RABEP1: variants seen among roughly 807,000 people sequenced by gnomAD.
RABEP1 encodes the protein rabaptin, RAB GTPase binding effector protein 1, also known as rab GTPase-binding effector protein 1.
In RABEP1, 51 loss-of-function variants were observed where a neutral mutation model predicts 123.4. The ratio of observed to expected loss-of-function variants is 0.41; its 90% CI spans 0.33 to 0.52. The LOEUF is 0.52. Among genes scored for constraint, RABEP1 ranks in the 20% least tolerant of loss-of-function variants. The pLI is 0.16. For missense variants in RABEP1, 888 were observed against 996.3 expected (o/e 0.89, Z 1.46); for synonymous variants, 347 against 355.2 (o/e 0.98, Z 0.26).
At chr17:5,315,057 T>C (rs1184311641) in intron 2 of RABEP1, among the ~76,000 whole-genome samples, 1 of 152,224 alleles carries the variant, frequency 6.6e-6, no homozygotes, top group African/African-American at 2.4e-5. Context: ...ACACTGAAAT[T>C]TTCTACTGGT....
At chr17:5,295,640 A>G (rs1399717664) in intron 1 of RABEP1, among the ~76,000 whole-genome samples, 2 of 152,082 alleles carry the variant, frequency 1.3e-5, no homozygotes, top group Non-Finnish European at 2.9e-5. Context: ...TTAAGTTTTT[A>G]TATGTTCTTT....
intron 5 of RABEP1, among the ~76,000 whole-genome samples, chr17:5,341,802 G>A (rs1281407075): frequency 3.3e-5 from 5 of 152,196 alleles, no homozygotes. Context: ...CAGTGTACAC[G>A]TGAAATGATT....
intron 10 of RABEP1, among the ~76,000 whole-genome samples, chr17:5,363,478 A>C (rs1046175994): frequency 6.6e-6 from 1 of 152,024 alleles, no homozygotes; most frequent in Admixed American, 6.6e-5. Flanking sequence ...TCAGCCTCCC[A>C]AAGTGTTGGG....
At chr17:5,289,062 CTTTG>C (rs1337921241) in intron 1 of RABEP1, among the ~76,000 whole-genome samples, 5 of 152,076 alleles carry the variant, frequency 3.3e-5, no homozygotes, top group Admixed American at 2.6e-4. Flanking sequence ...ATTATGGCCT[CTTTG>C]TTTATTGGCT....
chr17:5,288,682 A>T (rs528330558), intron 1 of RABEP1, among the ~76,000 whole-genome samples: 34 of 152,108 alleles, frequency 2.2e-4, no homozygotes, highest in Non-Finnish European at 2.8e-4. Context: ...GGCGTGAGCC[A>T]CTGCGCCTGG....
intron 1 of RABEP1, among the ~76,000 whole-genome samples, chr17:5,307,233 G>C (rs895302458): frequency 6.6e-6 from 1 of 152,202 alleles, no homozygotes; most frequent in Non-Finnish European, 1.5e-5. Context: ...CAGGAGAATT[G>C]CTTGAACCTG....
chr17:5,362,886 TAAG>T (rs1244232556), intron 9 of RABEP1, 23 bp from the exon 10 acceptor site: 1 of 1,482,164 alleles, frequency 6.7e-7, no homozygotes, highest in African/African-American at 1.4e-5. Context: ...TTTTGCCTGA[TAAG>T]AGGTAATTTT....
chr17:5,354,693 G>T (rs552038816), intron 8 of RABEP1, among the ~76,000 whole-genome samples: 1 of 152,082 alleles, frequency 6.6e-6, no homozygotes, highest in African/African-American at 2.4e-5. Context: ...AGCTTCATTC[G>T]CTGTCTGAAA....
chr17:5,317,008 G>A (rs1407751877), intron 2 of RABEP1, among the ~76,000 whole-genome samples: 3 of 151,836 alleles, frequency 2.0e-5, no homozygotes, highest in African/African-American at 4.8e-5. Flanking sequence ...AGGTTCAGTC[G>A]ATTCTCCTGC....
intron 1 of RABEP1, among the ~76,000 whole-genome samples, chr17:5,299,809 A>C (rs2075120411): frequency 7.3e-6 from 1 of 137,686 alleles, no homozygotes. Context: ...GGCTCACTGC[A>C]ACCTCTGCCT....
chr17:5,291,944 A>G (rs975799219), intron 1 of RABEP1, among the ~76,000 whole-genome samples: 3 of 152,270 alleles, frequency 2.0e-5, no homozygotes, highest in Non-Finnish European at 4.4e-5. Flanking sequence ...TAAATGTATC[A>G]TTTTCCTATT....
At chr17:5,286,760 C>G (rs529081772) in intron 1 of RABEP1, among the ~76,000 whole-genome samples, 1 of 152,248 alleles carries the variant, frequency 6.6e-6, no homozygotes, top group East Asian at 1.9e-4. Flanking sequence ...ATAAATAACC[C>G]TGCCCTAGTG....
chr17:5,310,187 TTACA>T (rs1444416539), intron 2 of RABEP1, among the ~76,000 whole-genome samples: 1 of 152,154 alleles, frequency 6.6e-6, no homozygotes, highest in Non-Finnish European at 1.5e-5. Flanking sequence ...AAATATATAC[TTACA>T]TACAACCTTC....
intron 13 of RABEP1, 147 bp downstream of exon 13, chr17:5,373,601 C>G: frequency 1.1e-6 from 1 of 915,212 alleles, no homozygotes; most frequent in South Asian, 1.8e-5. Context: ...TTTTGCTGTA[C>G]TCACAGATGT....
intron 2 of RABEP1, among the ~76,000 whole-genome samples, chr17:5,314,624 T>G (rs567887477): frequency 1.3e-5 from 2 of 151,534 alleles, no homozygotes; most frequent in African/African-American, 4.8e-5. Context: ...CTTCACGCCA[T>G]TCTCCTCCCT....
chr17:5,308,534 T>A (rs1173819330), intron 1 of RABEP1, among the ~76,000 whole-genome samples, 160 bp from the exon 2 acceptor site: 6 of 152,234 alleles, frequency 3.9e-5, no homozygotes, highest in African/African-American at 1.4e-4. Flanking sequence ...TCTGTCTTAC[T>A]TTTTTTAAAC....
At chr17:5,292,464 T>C (rs1422707155) in intron 1 of RABEP1, among the ~76,000 whole-genome samples, 1 of 152,116 alleles carries the variant, frequency 6.6e-6, no homozygotes, top group Non-Finnish European at 1.5e-5. Context: ...CTTGGCTCAC[T>C]GCTACCTCCA....
At chr17:5,327,988 C>T (rs1186445285) in intron 2 of RABEP1, among the ~76,000 whole-genome samples, 1 of 152,126 alleles carries the variant, frequency 6.6e-6, no homozygotes, top group African/African-American at 2.4e-5. Context: ...ACACCTGATA[C>T]CTGTGAACAT....
At position 5,282,452 on chromosome 17, in the gene RABEP1, G is replaced by C; in HGVS notation, c.-35G>C. ...CGGGAGCCCAGGACGCCGCTTCCCC[G>C]CCCATCCCCGCTCCCCGAGGCCGGC... On this transcript the variant is annotated 5_prime_UTR_variant, in exon 1 of 18. Coordinates refer to ENST00000537505, the MANE Select transcript of RABEP1 (RefSeq NM_004703.6). 12 of 1,344,196 alleles carry C rather than the reference G, an allele frequency of 8.9e-6. No homozygotes were observed. The highest frequency in any genetic ancestry group is 5.3e-4 in the Middle Eastern group (2 of 3,752). The allele number at this position is 1,344,196 out of a possible 1,614,324, so 83.3% of individuals were successfully genotyped here. A position where few individuals can be genotyped will look rare whatever the true frequency, so the allele number is the denominator to read the frequency against.
Sources: gnomAD v4.1 joint callset for allele counts (sites outside exome capture counted in the v4.1 genomes callset) on GRCh38, gnomAD v4.1.1 for gene constraint, MANE v1.5 for transcripts, NCBI Gene and HGNC (gene_info 2026-07-23, HGNC 2026-07-21) for gene names.